SYN3: variants seen among roughly 807,000 people sequenced by gnomAD.
SYN3 encodes synapsin III, also known as synapsin-3.
In SYN3, 35 loss-of-function variants were observed where a neutral mutation model predicts 65.8. The observed-to-expected ratio is 0.53, with a 90% CI of 0.41 to 0.70. The LOEUF is 0.70. Ranked by LOEUF, SYN3 falls within the 30% of genes least tolerant of loss-of-function variation. The pLI, the probability that SYN3 is intolerant of heterozygous loss-of-function variation, is 0.00. For missense variants in SYN3, 680 were observed against 749.0 expected (o/e 0.91, Z 1.08); for synonymous variants, 270 against 292.9 (o/e 0.92, Z 0.80).
At chr22:32,965,718 T>C (rs998062981) in intron 3 of SYN3, among the ~76,000 whole-genome samples, 12 of 152,132 alleles carry the variant, frequency 7.9e-5, no homozygotes, top group African/African-American at 2.7e-4. Flanking sequence ...TGTTTTATGA[T>C]GGAGTCTCGC....
rs181015310 is a variant in SYN3 at position 32,547,453 on chromosome 22, T to C, written c.775-5740A>G. Among the ~76,000 whole-genome samples, 12 of 152,256 alleles carry C rather than the reference T, an allele frequency of 7.9e-5. No individual in the cohort carries two copies. The East Asian group carries it at 2.1e-3, about 27-fold the overall frequency. ...CTCTTTTCAATGTTGCCATTCTTCTTCTCCTTCTCATTTCTTCTTCATTCC... is the reference window on the plus strand; with the variant it reads ...CTCTTTTCAATGTTGCCATTCTTCTCCTCCTTCTCATTTCTTCTTCATTCC... On this transcript the variant is annotated intron_variant, in intron 7 of 13. Transcript: ENST00000358763.
intron 6 of SYN3, among the ~76,000 whole-genome samples, chr22:32,727,972 C>A (rs1312372026): frequency 6.6e-6 from 1 of 152,064 alleles, no homozygotes; most frequent in Non-Finnish European, 1.5e-5. Context: ...ATAAACCTGA[C>A]CAAACAAGCA....
At chr22:32,658,404 T>C (rs1168546206) in intron 6 of SYN3, among the ~76,000 whole-genome samples, 1 of 152,158 alleles carries the variant, frequency 6.6e-6, no homozygotes, top group Non-Finnish European at 1.5e-5. Context: ...CTGGTGTCTG[T>C]GAGAGGCAGG....
At chr22:32,927,578 G>A (rs549891827) in intron 4 of SYN3, among the ~76,000 whole-genome samples, 1 of 152,064 alleles carries the variant, frequency 6.6e-6, no homozygotes, top group South Asian at 2.1e-4. Flanking sequence ...GACAATACAA[G>A]GGCCTCAGAA....
At chr22:32,520,187 G>C (rs2057854333) in intron 12 of SYN3, among the ~76,000 whole-genome samples, 1 of 152,124 alleles carries the variant, frequency 6.6e-6, no homozygotes, top group African/African-American at 2.4e-5. Flanking sequence ...CTGTCACCCA[G>C]GGTAGAGTGC....
At chr22:32,710,359 G>A (rs1335280997) in intron 6 of SYN3, among the ~76,000 whole-genome samples, 3 of 151,514 alleles carry the variant, frequency 2.0e-5, no homozygotes, top group African/African-American at 2.4e-5. Context: ...GGCTGGGTGC[G>A]GTGGCTCATG....
At chr22:32,542,344 G>C (rs1454328460) in intron 7 of SYN3, among the ~76,000 whole-genome samples, 2 of 152,070 alleles carry the variant, frequency 1.3e-5, no homozygotes, top group Non-Finnish European at 2.9e-5. Flanking sequence ...ATGCATGCTG[G>C]TGAGTGTTGT....
intron 7 of SYN3, among the ~76,000 whole-genome samples, chr22:32,573,946 T>TA (rs1439922026): frequency 2.6e-5 from 4 of 151,192 alleles, no homozygotes; most frequent in East Asian, 3.9e-4. Flanking sequence ...ATTTTTTTTT[T>TA]TTTTTTATTT....
At chr22:33,028,933 G>A (rs951670504) in intron 1 of SYN3, among the ~76,000 whole-genome samples, 13 of 151,866 alleles carry the variant, frequency 8.6e-5, no homozygotes, top group African/African-American at 2.9e-4. Flanking sequence ...CCAGCTACTC[G>A]GGAGGCTGAG....
intron 1 of SYN3, among the ~76,000 whole-genome samples, chr22:33,056,953 C>T (rs1314477820): frequency 1.3e-5 from 2 of 152,222 alleles, no homozygotes; most frequent in Non-Finnish European, 2.9e-5. Flanking sequence ...AGGCACCCTT[C>T]AGAGGCCTGA....
intron 10 of SYN3, among the ~76,000 whole-genome samples, chr22:32,532,362 G>A (rs1233762091): frequency 1.3e-5 from 2 of 152,416 alleles, no homozygotes; most frequent in Non-Finnish European, 2.9e-5. Flanking sequence ...GCGAGGGACC[G>A]GCTCCTCCAG....
chr22:32,786,428 G>A (rs1187980390), intron 6 of SYN3, among the ~76,000 whole-genome samples: 1 of 151,072 alleles, frequency 6.6e-6, no homozygotes, highest in African/African-American at 2.4e-5. Context: ...CACCCAGGCT[G>A]GAGTGCTCAC....
intron 9 of SYN3, among the ~76,000 whole-genome samples, chr22:32,535,136 C>T (rs1387121464): frequency 6.6e-6 from 1 of 152,206 alleles, no homozygotes; most frequent in African/African-American, 2.4e-5. Flanking sequence ...GATTAAGTGA[C>T]TGTACCGCTT....
intron 6 of SYN3, among the ~76,000 whole-genome samples, chr22:32,796,827 C>T (rs2046440029): frequency 2.0e-5 from 3 of 152,116 alleles, no homozygotes; most frequent in African/African-American, 7.2e-5. Flanking sequence ...CCCAGCTCTG[C>T]CCTGGAAGAC....
At chr22:32,734,843 C>T (rs182968129) in intron 6 of SYN3, among the ~76,000 whole-genome samples, 1 of 152,346 alleles carries the variant, frequency 6.6e-6, no homozygotes, top group Non-Finnish European at 1.5e-5. Flanking sequence ...GTGTATCCCT[C>T]ATGGCCTTTG....
Position 32,821,945 on chromosome 22 carries a change from C to T in SYN3, c.711+42970G>A, listed in dbSNP as rs180962074. On this transcript the variant is annotated intron_variant, in intron 6 of 13. Coordinates refer to ENST00000358763, the MANE Select transcript of SYN3 (RefSeq NM_003490.4). ...CCGAGGCAGGCGGATCACCTGAGGT[C>T]GGGAGTTCGAGACCAGCCTGACCAA... Among the ~76,000 whole-genome samples, 1,126 of 152,106 alleles carry T rather than the reference C, an allele frequency of 7.4e-3. 16 individuals carry two copies. The highest frequency in any genetic ancestry group is 0.024 in the African/African-American group (994 of 41,478).
Position 32,888,654 on chromosome 22 carries a change from G to A in SYN3, c.462-19529C>T, listed in dbSNP as rs534355587. ...AAGCAGGAATGCAAGACGCCCCCAG[G>A]ATTTGAGATGGAAGACTTCATGGGC... is the stretch of plus-strand genomic sequence containing the variant. On this transcript the variant is annotated intron_variant, in intron 4 of 13. Coordinates refer to ENST00000358763, the MANE Select transcript of SYN3 (RefSeq NM_003490.4). Among the ~76,000 whole-genome samples, 6 of 152,272 alleles carry A rather than the reference G, an allele frequency of 3.9e-5. No individual in the cohort carries two copies. The South Asian group carries it at 1.0e-3, about 26-fold the overall frequency.
intron 6 of SYN3, among the ~76,000 whole-genome samples, chr22:32,606,681 C>T (rs927231942): frequency 5.4e-4 from 82 of 152,280 alleles, no homozygotes; most frequent in African/African-American, 1.9e-3. Flanking sequence ...GCTTTCTCCC[C>T]AGCCTGGATA....
chr22:32,807,370 T>TTA (rs1457828240), intron 6 of SYN3, among the ~76,000 whole-genome samples: 94 of 114,676 alleles, frequency 8.2e-4, no homozygotes, highest in South Asian at 4.6e-3. Context: ...ATAATATATA[T>TTA]TATATATAAT....
Sources: gnomAD v4.1 joint callset for allele counts (sites outside exome capture counted in the v4.1 genomes callset) on GRCh38, gnomAD v4.1.1 for gene constraint, MANE v1.5 for transcripts, NCBI Gene and HGNC (gene_info 2026-07-23, HGNC 2026-07-21) for gene names.